The following MAPK14 variants were observed in gnomAD, a reference collection of about 807,000 sequenced individuals.
The protein encoded by MAPK14 is CSAID-binding protein.
MAPK14 carries 16 observed loss-of-function variants against 49.6 expected under a neutral mutation model. That is an observed-to-expected ratio of 0.32 (90% CI 0.22 to 0.49). The LOEUF (loss-of-function observed/expected upper bound fraction) is 0.49, where lower values mean the gene tolerates loss of function less well. MAPK14 is among the 20% of genes least tolerant of loss of function. MAPK14 has a pLI of 0.99. For missense variants in MAPK14, 200 were observed against 441.2 expected, an observed-to-expected ratio of 0.45 and a Z score of 4.90; for synonymous variants, 142 against 158.0, an observed-to-expected ratio of 0.90 and a Z score of 0.76.
At chr6:36,070,440 A>G (rs1374043703) in intron 3 of MAPK14, among the ~76,000 whole-genome samples, 1 of 152,220 alleles carries the variant, frequency 6.6e-6, no homozygotes, top group Non-Finnish European at 1.5e-5. Flanking sequence ...TCACAGAGTT[A>G]TTGGGAAGAG....
intron 1 of MAPK14, among the ~76,000 whole-genome samples, chr6:36,045,921 A>G (rs755269953): frequency 2.0e-5 from 3 of 150,714 alleles, no homozygotes; most frequent in Non-Finnish European, 4.4e-5. Context: ...GTCAGGTTTT[A>G]TATATATAAT....
intron 5 of MAPK14, 69 bp downstream of exon 5, chr6:36,073,789 C>A: frequency 6.9e-7 from 1 of 1,445,936 alleles, no homozygotes; most frequent in Non-Finnish European, 9.7e-7. Context: ...GGCATTTAGC[C>A]AAGATCCTAA....
intron 8 of MAPK14, among the ~76,000 whole-genome samples, chr6:36,081,409 G>C (rs1344799486): frequency 6.6e-6 from 1 of 152,108 alleles, no homozygotes; most frequent in African/African-American, 2.4e-5. Flanking sequence ...TTTGCATCTG[G>C]AAGTCCAGTT....
chr6:36,073,755 G>T, intron 5 of MAPK14, 35 bp downstream of exon 5: 2 of 1,597,660 alleles, frequency 1.3e-6, no homozygotes, highest in Non-Finnish European at 8.6e-7. Context: ...TTATTTTGGG[G>T]AAGTGGGGTG....
downstream of MAPK14, among the ~76,000 whole-genome samples, chr6:36,113,976 T>C (rs1766017979): frequency 6.6e-6 from 1 of 152,174 alleles, no homozygotes; most frequent in Admixed American, 6.5e-5. Context: ...TCTTCTTCAG[T>C]AGAAGGGTGT....
intron 9 of MAPK14, among the ~76,000 whole-genome samples, chr6:36,100,685 C>T (rs1765604544): frequency 6.6e-6 from 1 of 151,836 alleles, no homozygotes; most frequent in South Asian, 2.1e-4. Flanking sequence ...CTGAAATATC[C>T]AATACTAATA....
chr6:36,087,346 C>CT (rs1765026376), intron 8 of MAPK14, among the ~76,000 whole-genome samples: 1 of 152,142 alleles, frequency 6.6e-6, no homozygotes, highest in Non-Finnish European at 1.5e-5. Context: ...AAGTAAAACT[C>CT]TGTTTGCAGG....
rs1219135364 is a variant in MAPK14, at chr6:36,034,058, G to A, written c.116+5785G>A. 3.9e-5 allele frequency among the ~76,000 whole-genome samples: 6 copies of A among 152,116 alleles called. No individual in the cohort carries two copies. The South Asian group carries it at 6.2e-4, about 16-fold the overall frequency. On this transcript the variant is annotated intron_variant, in intron 1 of 11. Coordinates refer to ENST00000229794, the MANE Select transcript of MAPK14 (RefSeq NM_139012.3). ...GATAGATGTGGGCTGCTGAGGTTGC[G>A]CGGTGGCACCTTCTCTTATGCAGTT...
At chr6:36,043,464 G>A (rs1763045810) in intron 1 of MAPK14, among the ~76,000 whole-genome samples, 1 of 152,144 alleles carries the variant, frequency 6.6e-6, no homozygotes, top group African/African-American at 2.4e-5. Context: ...CAAAATGGCA[G>A]GACAGAGCAT....
chr6:36,041,086 T>C (rs1762943134), intron 1 of MAPK14, among the ~76,000 whole-genome samples: 1 of 152,198 alleles, frequency 6.6e-6, no homozygotes, highest in Non-Finnish European at 1.5e-5. Flanking sequence ...TTAGGCACAT[T>C]ATGTATTCTG....
rs576696718 is a variant in MAPK14, at chr6:36,074,862, C to T, written c.495+766C>T. Among the ~76,000 whole-genome samples, 241 of 151,978 alleles carry T rather than the reference C, an allele frequency of 1.6e-3. 1 individual carries two copies. Among genetic ancestry groups the T allele is most frequent in the African/African-American group, 5.6e-3 (233 of 41,486 alleles). The stretch of plus-strand genomic sequence containing the variant: ...ATCTCCTGACCTCGTGATCCACCTG[C>T]CTCGGCCTCTCAAAGTGCTGGGATT... On this transcript the variant is annotated intron_variant, in intron 6 of 11. Transcript: ENST00000229794.
intron 10 of MAPK14, among the ~76,000 whole-genome samples, chr6:36,104,462 A>G (rs1279184594): frequency 6.6e-6 from 1 of 151,628 alleles, no homozygotes; most frequent in Non-Finnish European, 1.5e-5. Flanking sequence ...ATCTCGGCTC[A>G]TTGCAAGCTC....
intron 1 of MAPK14, among the ~76,000 whole-genome samples, chr6:36,044,335 T>A (rs1480585443): frequency 1.3e-5 from 2 of 152,230 alleles, no homozygotes; most frequent in Admixed American, 1.3e-4. Context: ...TCATTCTTCA[T>A]ATTCTGTTGA....
In MAPK14 at chr6:36,091,979, G is replaced by A. The variant is rs901842998; in HGVS notation, c.683-4008G>A. The A allele has an allele frequency of 8.2e-5, 28 of 340,392 alleles. 1 individual carries two copies. The highest frequency in any genetic ancestry group is 5.1e-4 in the South Asian group (19 of 37,270). The allele number at this position is 340,392 out of a possible 1,614,324, so 21.1% of individuals were successfully genotyped here. On this transcript the variant is annotated intron_variant, in intron 8 of 11. Transcript: ENST00000229794. Reference sequence around the variant, plus strand: ...CTCATTTACAAAAATGGCCAGTGTCGTCTTTGGCCTTAAAATTTCAGGACG... The same window carrying A: ...CTCATTTACAAAAATGGCCAGTGTCATCTTTGGCCTTAAAATTTCAGGACG...
At chr6:36,044,597 G>A (rs1288941381) in intron 1 of MAPK14, among the ~76,000 whole-genome samples, 2 of 152,118 alleles carry the variant, frequency 1.3e-5, no homozygotes, top group Non-Finnish European at 2.9e-5. Flanking sequence ...GTTGACAGCC[G>A]AACATGGTGG....
chr6:36,100,274 A>T, intron 9 of MAPK14: 1 of 1,605,150 alleles, frequency 6.2e-7, no homozygotes, highest in South Asian at 1.1e-5. Flanking sequence ...TGAGGTGAGA[A>T]CAAAGAGACT....
chr6:36,119,775 A>G, the MAPK14 span, among the ~76,000 whole-genome samples: 1 of 152,110 alleles, frequency 6.6e-6, no homozygotes, highest in African/African-American at 2.4e-5. Flanking sequence ...CGGCCCCCAC[A>G]ACGAGGAATT....
chr6:36,076,072 C>A, intron 7 of MAPK14, 110 bp downstream of exon 7: 1 of 1,141,800 alleles, frequency 8.8e-7, no homozygotes, highest in Non-Finnish European at 1.3e-6. Context: ...TTTCTTCCCT[C>A]AGTGATCCTT....
intron 8 of MAPK14, among the ~76,000 whole-genome samples, chr6:36,081,884 T>C (rs2127452053): frequency 6.6e-6 from 1 of 152,342 alleles, no homozygotes; most frequent in Middle Eastern, 3.4e-3. Flanking sequence ...ACAAAGGATC[T>C]CTTTCCATTT....
Sources: allele counts gnomAD v4.1 joint callset (sites outside exome capture counted in the v4.1 genomes callset), GRCh38; gene constraint gnomAD v4.1.1; transcripts MANE v1.5; gene names NCBI Gene and HGNC (gene_info 2026-07-23, HGNC 2026-07-21).